The following PLA2G6 variants were observed in gnomAD, a reference collection of about 807,000 sequenced individuals.
PLA2G6 encodes the protein phospholipase A2 group VI.
PLA2G6 carries 62 observed loss-of-function variants against 83.8 expected under a neutral mutation model. The ratio of observed to expected loss-of-function variants is 0.74; its 90% CI spans 0.60 to 0.91. The LOEUF (loss-of-function observed/expected upper bound fraction) is 0.91. Ranked by LOEUF, PLA2G6 falls within the 40% of genes least tolerant of loss-of-function variation. The pLI, the probability that PLA2G6 is intolerant of heterozygous loss-of-function variation, is 0.00. For missense variants in PLA2G6, 944 were observed against 1,102.0 expected, an observed-to-expected ratio of 0.86 and a Z score of 2.03; for synonymous variants, 417 against 449.8, an observed-to-expected ratio of 0.93 and a Z score of 0.92.
At position 38,173,905 on chromosome 22, in the gene PLA2G6, A is replaced by T. The variant is rs569775246; in HGVS notation, c.-45-4434T>A. On this transcript the variant is annotated intron_variant, in intron 1 of 16. Transcript: ENST00000332509. Reference sequence around the variant, plus strand: ...TCTCTACAAAATATAAAATAAAATTAGCTGGGCATGGTGGTGTGCGCCTGT... The same window carrying T: ...TCTCTACAAAATATAAAATAAAATTTGCTGGGCATGGTGGTGTGCGCCTGT... Among the ~76,000 whole-genome samples the T allele has an allele frequency of 1.1e-4, 16 of 152,234 alleles. No individual in the cohort carries two copies. In the South Asian group the frequency reaches 3.3e-3, roughly 32 times the overall value.
intron 2 of PLA2G6, among the ~76,000 whole-genome samples, chr22:38,161,952 C>T (rs2090028659): frequency 6.6e-6 from 1 of 152,062 alleles, no homozygotes; most frequent in Admixed American, 6.5e-5. Flanking sequence ...TGCCTGTAAT[C>T]CCAGCACTTT....
intron 4 of PLA2G6, chr22:38,140,377 A>G (rs2088831583): frequency 1.8e-6 from 1 of 541,032 alleles, no homozygotes; most frequent in South Asian, 1.9e-5. Flanking sequence ...GCATGGTGGC[A>G]GGCACCTGTA....
At chr22:38,117,374 A>AT (rs1308749643) in intron 12 of PLA2G6, among the ~76,000 whole-genome samples, 2 of 151,884 alleles carry the variant, frequency 1.3e-5, no homozygotes, top group African/African-American at 4.8e-5. Flanking sequence ...CGCCCGGCTA[A>AT]TTTTTTGTAT....
rs765356472 is a variant in PLA2G6 at position 38,112,274 on chromosome 22, G to C, written c.2308C>G (p.Leu770Val). 2 of 1,613,670 alleles carry C rather than the reference G, an allele frequency of 1.2e-6. No homozygotes were observed. The highest frequency in any genetic ancestry group is 1.3e-5 in the African/African-American group (1 of 75,034). The change falls in exon 17 of 17, where the codon CTG becomes GTG. Residue 770 changes from leucine (L) to valine (V), a missense_variant. Transcript: ENST00000332509. ...AGCACTGTGTCACTGACCTCATCCA[G>C]CATGATGTCCGTCCCCAGCTGGGGG... Reference protein sequence around the residue: ...LNPQLGTDIMLDEVSDTVLVN... With the variant: ...LNPQLGTDIMVDEVSDTVLVN...
At chr22:38,148,685 G>A (rs917586787) in intron 2 of PLA2G6, 13 of 638,626 alleles carry the variant, frequency 2.0e-5, no homozygotes, top group Admixed American at 1.4e-4. Context: ...AAAGAACTAC[G>A]TAGCCTAGGA....
In PLA2G6 at chr22:38,133,009, G is replaced by T; in HGVS notation, c.899C>A (p.Ala300Asp). 1 of 1,561,792 alleles carries T rather than the reference G, an allele frequency of 6.4e-7. No individual in the cohort carries two copies. The highest frequency in any genetic ancestry group is 1.7e-4 in the Middle Eastern group (1 of 5,944). Residue 300 changes from alanine to aspartate, a missense_variant, in exon 7 of 17, where the codon GCC becomes GAC. Coordinates refer to ENST00000332509, the MANE Select transcript of PLA2G6 (RefSeq NM_003560.4). ...GCAGCCCCGTTTCAGCAGCATGCGG[G>T]CCATCTGCGGGAGACGGTCAGGCTG... ...PLHWAKNAEM[A>D]RMLLKRGCNV...
At chr22:38,125,187 CGCATGTGTATGTGTGT>C (rs2087769574) in intron 10 of PLA2G6, among the ~76,000 whole-genome samples, 1 of 152,000 alleles carries the variant, frequency 6.6e-6, no homozygotes, top group East Asian at 1.9e-4. Context: ...TGTATGTGTG[CGCATGTGTATGTGTGT>C]GCATGCACGT....
chr22:38,112,085 A>G lies in PLA2G6; in HGVS notation c.*76T>C. The G allele has an allele frequency of 6.7e-7, 1 of 1,490,838 alleles. No homozygotes were observed. Among genetic ancestry groups the G allele is most frequent in the Non-Finnish European group, 9.1e-7 (1 of 1,093,862 alleles). 92.4% of individuals were successfully genotyped at this position (1,490,838 alleles called of 1,614,324 possible). ...GTGCCTGGGCCCAGATCTGCCCGGG[A>G]GGGCAGTGGCTGGGCTTGGCCTGGC... is the stretch of plus-strand genomic sequence containing the variant. On this transcript the variant is annotated 3_prime_UTR_variant, in exon 17 of 17. Coordinates refer to ENST00000332509, the MANE Select transcript of PLA2G6 (RefSeq NM_003560.4).
At chr22:38,115,911 G>C (rs1246960316) in intron 13 of PLA2G6, 164 bp downstream of exon 13, 16 of 1,462,260 alleles carry the variant, frequency 1.1e-5, no homozygotes, top group Non-Finnish European at 1.5e-5. Context: ...CCAGGGGCCT[G>C]ACAGCTCCCC....
At chr22:38,176,078 G>A (rs987729115) in intron 1 of PLA2G6, among the ~76,000 whole-genome samples, 1 of 152,118 alleles carries the variant, frequency 6.6e-6, no homozygotes, top group African/African-American at 2.4e-5. Context: ...AGTAGCTAAC[G>A]GCCCACAAGG....
chr22:38,132,832 G>T lies in PLA2G6; in HGVS notation c.1076C>A (p.Ser359Ter). 1 of 1,545,472 alleles carries T rather than the reference G, an allele frequency of 6.5e-7. No homozygotes were observed. The stretch of plus-strand genomic sequence containing the variant: ...CAGGACACGCGGTCCTGGGCTCACC[G>T]ACATGGCCAGGTGCAGCGGGGTGTT... ...HGNTPLHLAM[S>*]KDNVEMIKAL... The change falls in exon 7 of 17, where the codon TCG becomes TAG. Residue 359 changes from serine (S) to a stop codon, truncating the protein, a stop_gained and splice_region_variant. Coordinates refer to ENST00000332509, the MANE Select transcript of PLA2G6 (RefSeq NM_003560.4). LOFTEE classifies it high-confidence loss of function. The surrounding 1 kb of genome is among the most constrained non-coding windows in gnomAD (Gnocchi z 5.0).
At chr22:38,127,366 C>A in intron 9 of PLA2G6, 1 of 1,308,332 alleles carries the variant, frequency 7.6e-7, no homozygotes, top group South Asian at 1.2e-5. Flanking sequence ...GCTAATGCCG[C>A]ATGGCTAGGC....
rs1470286800 is a variant in PLA2G6, at chr22:38,113,643, G to T, written c.2046C>A (p.Asn682Lys). ...CAACGATGGAGAGTTTCTTCACCTTGTTGGCCTGACCCTGTTGGGAACAGG... is the reference window on the plus strand; with the variant it reads ...CAACGATGGAGAGTTTCTTCACCTTTTTGGCCTGACCCTGTTGGGAACAGG... ...NQDLIRKGQA[N>K]KVKKLSIVVS... Residue 682 changes from asparagine to lysine, a missense_variant, in exon 15 of 17, where the codon AAC becomes AAA. Coordinates refer to ENST00000332509, the MANE Select transcript of PLA2G6 (RefSeq NM_003560.4). The T allele has an allele frequency of 6.2e-7, 1 of 1,613,680 alleles. No homozygotes were observed. The highest frequency in any genetic ancestry group is 2.2e-5 in the East Asian group (1 of 44,896).
At chr22:38,172,420 T>C (rs921512597) in intron 1 of PLA2G6, among the ~76,000 whole-genome samples, 2 of 152,224 alleles carry the variant, frequency 1.3e-5, no homozygotes, top group Non-Finnish European at 2.9e-5. Context: ...TGAGTAAATA[T>C]TATGCATAGA....
intron 2 of PLA2G6, among the ~76,000 whole-genome samples, chr22:38,159,660 G>C (rs2089929257): frequency 6.6e-6 from 1 of 151,938 alleles, no homozygotes; most frequent in African/African-American, 2.4e-5. Context: ...AGCCTGGGAA[G>C]TTGAGGCTGC....
At chr22:38,156,529 C>T (rs1286087769) in intron 2 of PLA2G6, among the ~76,000 whole-genome samples, 2 of 152,064 alleles carry the variant, frequency 1.3e-5, no homozygotes, top group Non-Finnish European at 2.9e-5. Context: ...TCTCGGCTCA[C>T]TACCAGCTCT....
At chr22:38,158,932 C>T (rs767877824) in intron 2 of PLA2G6, among the ~76,000 whole-genome samples, 7 of 152,184 alleles carry the variant, frequency 4.6e-5, no homozygotes, top group Non-Finnish European at 1.0e-4. Flanking sequence ...GGCACACTGG[C>T]TCACACTTGT....
Position 38,126,398 on chromosome 22 carries a change from A to G in PLA2G6, c.1400T>C (p.Leu467Pro), listed in dbSNP as rs760817038. Reference protein sequence around the residue: ...ISRARKPAFILGSMRDEKRTH... With the variant: ...ISRARKPAFIPGSMRDEKRTH... ...CCGCTTCTCGTCCCTCATGGAGCCC[A>G]GGATGAACGCTGGCTTCCGGGCCCG... The change falls in exon 10 of 17, where the codon CTG (leucine) becomes CCG (proline). Residue 467 changes from leucine to proline, a missense_variant. Physicochemically the swap from Leu to Pro is moderately conservative, Grantham distance 98. Coordinates refer to ENST00000332509, the MANE Select transcript of PLA2G6 (RefSeq NM_003560.4). The G allele has an allele frequency of 8.1e-6, 13 of 1,613,724 alleles. No individual in the cohort carries two copies. In the Admixed American group the frequency reaches 2.2e-4, roughly 27 times the overall value.
At chr22:38,176,328 A>AGGAAC (rs2090630147) in intron 1 of PLA2G6, among the ~76,000 whole-genome samples, 1 of 152,200 alleles carries the variant, frequency 6.6e-6, no homozygotes, top group Non-Finnish European at 1.5e-5. Flanking sequence ...GGTGCGTGAC[A>AGGAAC]GGAACCCACA....
Sources: gnomAD v4.1 joint callset for allele counts (sites outside exome capture counted in the v4.1 genomes callset) on GRCh38, gnomAD v4.1.1 for gene constraint, Gnocchi (gnomAD v3.1) non-coding constraint, MANE v1.5 for transcripts, NCBI Gene and HGNC (gene_info 2026-07-23, HGNC 2026-07-21) for gene names.